The following FGF14 variants were observed in gnomAD, a reference collection of about 807,000 sequenced individuals.
The protein encoded by FGF14 is fibroblast growth factor homologous factor 4.
FGF14 carries 5 observed loss-of-function variants against 25.5 expected under a neutral mutation model. That is an observed-to-expected ratio of 0.20 (90% CI 0.10 to 0.41). FGF14 has a LOEUF of 0.41. FGF14 is among the 10% of genes least tolerant of loss of function. The pLI, the probability that FGF14 is intolerant of heterozygous loss-of-function variation, is 1.00. For missense variants in FGF14, 222 were observed against 320.1 expected, an observed-to-expected ratio of 0.69 and a Z score of 2.34; for synonymous variants, 138 against 118.3, an observed-to-expected ratio of 1.17 and a Z score of -1.08.
intron 3 of FGF14, among the ~76,000 whole-genome samples, chr13:101,823,904 G>C (rs2042280616): frequency 9.9e-6 from 1 of 101,196 alleles, no homozygotes; most frequent in Non-Finnish European, 2.2e-5. Flanking sequence ...CATTGTTACT[G>C]TTATTTTTCT....
chr13:102,111,194 T>G (rs935763167), intron 1 of FGF14, among the ~76,000 whole-genome samples: 1 of 152,162 alleles, frequency 6.6e-6, no homozygotes, highest in South Asian at 2.1e-4. Context: ...CTCTCATCTA[T>G]ACATGAAACG....
chr13:101,819,163 G>A (rs1269633671), intron 3 of FGF14, among the ~76,000 whole-genome samples: 1 of 152,186 alleles, frequency 6.6e-6, no homozygotes, highest in East Asian at 1.9e-4. Context: ...AGCTCAGGGA[G>A]CTTAGAGAAG....
At chr13:101,907,479 A>G (rs1230173201) in intron 1 of FGF14, among the ~76,000 whole-genome samples, 1 of 152,148 alleles carries the variant, frequency 6.6e-6, no homozygotes, top group African/African-American at 2.4e-5. Context: ...TTGAATGCCA[A>G]ATACTATACG....
intron 1 of FGF14, among the ~76,000 whole-genome samples, chr13:102,076,098 T>A (rs998268105): frequency 2.6e-5 from 4 of 152,092 alleles, no homozygotes; most frequent in African/African-American, 4.8e-5. Flanking sequence ...AAATATTTAT[T>A]TTTAATAAAT....
intron 1 of FGF14, among the ~76,000 whole-genome samples, chr13:102,259,790 T>C (rs539390850): frequency 2.6e-5 from 4 of 152,338 alleles, no homozygotes; most frequent in South Asian, 4.1e-4. Context: ...AGATGCCACA[T>C]AGCTAGTCTG....
At chr13:102,266,630 T>C (rs1217616398) in intron 1 of FGF14, among the ~76,000 whole-genome samples, 3 of 152,054 alleles carry the variant, frequency 2.0e-5, no homozygotes, top group Non-Finnish European at 4.4e-5. Flanking sequence ...ACATGCAACA[T>C]GGACCATGGA....
chr13:101,916,276 A>G (rs2033472974), intron 1 of FGF14, among the ~76,000 whole-genome samples, 177 bp downstream of exon 1: 1 of 152,212 alleles, frequency 6.6e-6, no homozygotes, highest in Admixed American at 6.5e-5. Context: ...CTCGGCGGCT[A>G]CAGGTTGCCC....
intron 3 of FGF14, among the ~76,000 whole-genome samples, chr13:101,806,481 T>G (rs1367174941): frequency 1.3e-5 from 2 of 151,982 alleles, no homozygotes; most frequent in Non-Finnish European, 2.9e-5. Flanking sequence ...AAAATTTTTT[T>G]TTTTGTTTTC....
intron 3 of FGF14, among the ~76,000 whole-genome samples, chr13:101,832,787 A>C (rs2042739054): frequency 6.6e-6 from 1 of 152,110 alleles, no homozygotes; most frequent in African/African-American, 2.4e-5. Flanking sequence ...GAAAGACATA[A>C]GAATTCTCGA....
At chr13:101,773,490 A>C (rs1024158913) in intron 3 of FGF14, among the ~76,000 whole-genome samples, 1 of 152,106 alleles carries the variant, frequency 6.6e-6, no homozygotes, top group South Asian at 2.1e-4. Context: ...AGGAAGATCT[A>C]ATGTGTGAGA....
Position 102,221,536 on chromosome 13 carries a change from A to G in FGF14, c.208+179935T>C, listed in dbSNP as rs937489303. Among the ~76,000 whole-genome samples, 5 of 152,172 alleles carry G rather than the reference A, an allele frequency of 3.3e-5. No homozygotes were observed. In the South Asian group the frequency reaches 8.3e-4, roughly 25 times the overall value. The stretch of plus-strand genomic sequence containing the variant: ...AATTTCTTTTAAAAGGAGACCGCAT[A>G]TAATAGAAACATGCACAGCCATTTC... On this transcript the variant is annotated intron_variant, in intron 1 of 4. Transcript: ENST00000376131.
At chr13:102,340,887 G>C (rs1408046923) in intron 1 of FGF14, among the ~76,000 whole-genome samples, 1 of 152,164 alleles carries the variant, frequency 6.6e-6, no homozygotes, top group Non-Finnish European at 1.5e-5. Context: ...CAATCAAGAA[G>C]GATTTGCTAA....
At chr13:101,943,969 C>G (rs1231644185) in intron 1 of FGF14, among the ~76,000 whole-genome samples, 28 of 146,966 alleles carry the variant, frequency 1.9e-4, no homozygotes, top group Admixed American at 1.9e-3. Flanking sequence ...CCATTGCACT[C>G]CAGCCTGGGC....
intron 1 of FGF14, among the ~76,000 whole-genome samples, chr13:102,192,377 T>G (rs1424113937): frequency 6.6e-6 from 1 of 152,212 alleles, no homozygotes; most frequent in East Asian, 1.9e-4. Flanking sequence ...GCTGATTCAG[T>G]CCATGAGTCA....
intron 1 of FGF14, among the ~76,000 whole-genome samples, chr13:101,886,617 C>T (rs2138850864): frequency 6.6e-6 from 1 of 152,226 alleles, no homozygotes; most frequent in South Asian, 2.1e-4. Context: ...TAAAGAATTT[C>T]TCAGGACATT....
chr13:102,229,019 T>C (rs887929441), intron 1 of FGF14, among the ~76,000 whole-genome samples: 7 of 152,212 alleles, frequency 4.6e-5, no homozygotes, highest in Non-Finnish European at 7.3e-5. Flanking sequence ...CACTTCCTTC[T>C]GTATTGAGGA....
intron 1 of FGF14, among the ~76,000 whole-genome samples, chr13:102,239,635 C>G (rs147414638): frequency 6.6e-6 from 1 of 152,138 alleles, no homozygotes; most frequent in Non-Finnish European, 1.5e-5. Flanking sequence ...TGAAATAATG[C>G]CCCTAACCAA....
intron 1 of FGF14, among the ~76,000 whole-genome samples, chr13:102,334,299 G>A (rs2056725438): frequency 6.6e-6 from 1 of 152,134 alleles, no homozygotes; most frequent in Admixed American, 6.5e-5. Flanking sequence ...ATATAGGTGG[G>A]TAGATTCCGT....
At chr13:101,897,273 T>C (rs931612371) in intron 1 of FGF14, among the ~76,000 whole-genome samples, 11 of 152,082 alleles carry the variant, frequency 7.2e-5, no homozygotes, top group Non-Finnish European at 1.2e-4. Context: ...GCAGAATAGA[T>C]AGAATTATAA....
Sources: gnomAD v4.1 joint callset for allele counts (sites outside exome capture counted in the v4.1 genomes callset) on GRCh38, gnomAD v4.1.1 for gene constraint, MANE v1.5 for transcripts, NCBI Gene and HGNC (gene_info 2026-07-23, HGNC 2026-07-21) for gene names.